The following CHRM2 variants were observed in gnomAD, a reference collection of about 807,000 sequenced individuals.
The protein encoded by CHRM2 is cholinergic receptor muscarinic 2, also known as muscarinic acetylcholine receptor M2.
A neutral mutation model predicts 25.0 loss-of-function variants in CHRM2; 8 were observed. The observed-to-expected ratio is 0.32, with a 90% CI of 0.19 to 0.58. CHRM2 has a LOEUF of 0.58. CHRM2 is among the 20% of genes least tolerant of loss of function. The pLI, the probability that CHRM2 is intolerant of heterozygous loss-of-function variation, is 0.88. For synonymous variants in CHRM2, 202 were observed against 205.7 expected, an observed-to-expected ratio of 0.98 and a Z score of 0.15; for missense variants, 440 against 567.1, an observed-to-expected ratio of 0.78 and a Z score of 2.28.
chr7:136,918,486 A>G (rs1377156946), intron 2 of CHRM2, among the ~76,000 whole-genome samples: 1 of 152,162 alleles, frequency 6.6e-6, no homozygotes, highest in Non-Finnish European at 1.5e-5. Context: ...GTGTTCACCC[A>G]TCTCACTGTT....
At chr7:136,897,324 C>G (rs1203701007) in intron 2 of CHRM2, among the ~76,000 whole-genome samples, 2 of 151,990 alleles carry the variant, frequency 1.3e-5, no homozygotes, top group Non-Finnish European at 2.9e-5. Flanking sequence ...TTAGAGAGAT[C>G]TGCACTAAAA....
chr7:136,907,758 T>C (rs1278875033), intron 2 of CHRM2: 1 of 151,964 alleles, frequency 6.6e-6, no homozygotes, highest in Non-Finnish European at 1.5e-5. Context: ...TCTCAAGTTT[T>C]GCAAAACTTT....
intron 2 of CHRM2, among the ~76,000 whole-genome samples, chr7:136,881,438 C>A (rs1796262666): frequency 6.6e-6 from 1 of 151,702 alleles, no homozygotes; most frequent in Non-Finnish European, 1.5e-5. Context: ...TAAATTTTAG[C>A]CAGGCATTAG....
intron 2 of CHRM2, among the ~76,000 whole-genome samples, chr7:136,946,661 G>A (rs538838007): frequency 1.7e-4 from 26 of 152,108 alleles, no homozygotes; most frequent in South Asian, 6.2e-4. Flanking sequence ...TATTTTCTGC[G>A]CTTCTTTCTA....
At chr7:137,001,702 G>C (rs1291726277) in intron 3 of CHRM2, among the ~76,000 whole-genome samples, 4 of 152,118 alleles carry the variant, frequency 2.6e-5, no homozygotes, top group Non-Finnish European at 5.9e-5. Context: ...AATACAATAG[G>C]TCTGTATCCC....
intron 2 of CHRM2, among the ~76,000 whole-genome samples, chr7:136,920,346 C>T (rs1202018619): frequency 1.3e-5 from 2 of 152,030 alleles, no homozygotes; most frequent in Non-Finnish European, 2.9e-5. Context: ...AGTAGTTGAC[C>T]ACCCATGTTT....
chr7:136,980,105 T>A (rs531290477), intron 2 of CHRM2, among the ~76,000 whole-genome samples: 2,548 of 152,306 alleles, frequency 0.017, 39 homozygotes, highest in Middle Eastern at 0.065. Flanking sequence ...TTTGTTTGTG[T>A]CCTCTCTTAC....
chr7:136,886,909 C>G (rs1277339303), intron 2 of CHRM2, among the ~76,000 whole-genome samples: 1 of 152,098 alleles, frequency 6.6e-6, no homozygotes, highest in Non-Finnish European at 1.5e-5. Context: ...TATAGCCCAT[C>G]ATGCCTCAAA....
chr7:136,907,158 T>C (rs373742119), intron 2 of CHRM2, among the ~76,000 whole-genome samples: 11 of 152,048 alleles, frequency 7.2e-5, no homozygotes, highest in African/African-American at 9.6e-5. Flanking sequence ...TAAATACAGA[T>C]GAAGCTTCGC....
intron 2 of CHRM2, among the ~76,000 whole-genome samples, chr7:136,905,470 A>G (rs1029194759): frequency 1.3e-5 from 2 of 151,724 alleles, no homozygotes; most frequent in African/African-American, 4.8e-5. Flanking sequence ...TTTTAAACAT[A>G]TTTTGAATTT....
intron 2 of CHRM2, among the ~76,000 whole-genome samples, chr7:136,875,583 T>C (rs1312679151): frequency 6.6e-6 from 1 of 152,142 alleles, no homozygotes; most frequent in Non-Finnish European, 1.5e-5. Flanking sequence ...CACTCTCCAG[T>C]CTTTCTCTAG....
chr7:136,878,257 G>C (rs578114093), intron 2 of CHRM2, among the ~76,000 whole-genome samples: 1 of 152,058 alleles, frequency 6.6e-6, no homozygotes, highest in South Asian at 2.1e-4. Flanking sequence ...TATGCCCACT[G>C]TTTTCTTGCT....
At chr7:136,968,037 AAC>A (rs1801523092) in intron 2 of CHRM2, among the ~76,000 whole-genome samples, 2 of 152,180 alleles carry the variant, frequency 1.3e-5, no homozygotes, top group South Asian at 4.1e-4. Flanking sequence ...TTTATCTTTT[AAC>A]ACTTAAATTT....
chr7:136,920,702 C>T (rs891998515), intron 2 of CHRM2, among the ~76,000 whole-genome samples: 1 of 152,140 alleles, frequency 6.6e-6, no homozygotes, highest in African/African-American at 2.4e-5. Context: ...GCTCATCACA[C>T]CTTAGATTCC....
intron 2 of CHRM2, among the ~76,000 whole-genome samples, chr7:136,925,088 G>A (rs951511599): frequency 6.6e-6 from 1 of 152,148 alleles, no homozygotes; most frequent in Non-Finnish European, 1.5e-5. Flanking sequence ...CTAATATGCA[G>A]TAGTCTGTTA....
At position 137,016,054 on chromosome 7, in the gene CHRM2, A is replaced by G. The variant is rs745902607; in HGVS notation, c.1189A>G (p.Ile397Val). The change falls in exon 4 of 4, where the codon ATC (isoleucine) becomes GTC (valine). Residue 397 changes from isoleucine (I) to valine (V), a missense_variant. By Grantham distance (29) the Ile-to-Val change is conservative. Coordinates refer to ENST00000680005, the MANE Select transcript of CHRM2 (RefSeq NM_001006630.2). Reference protein sequence around the residue: ...RTILAILLAFIITWAPYNVMV... With the variant: ...RTILAILLAFVITWAPYNVMV... ...AATCTTGGCTATTCTGTTGGCTTTC[A>G]TCATCACTTGGGCCCCATACAATGT... The G allele has an allele frequency of 3.8e-5, 62 of 1,612,786 alleles. No homozygotes were observed. In the East Asian group the frequency reaches 8.7e-4, roughly 23 times the overall value.
chr7:136,883,909 G>A (rs772366534), intron 2 of CHRM2, among the ~76,000 whole-genome samples: 2 of 152,104 alleles, frequency 1.3e-5, no homozygotes, highest in Non-Finnish European at 2.9e-5. Context: ...CTGGTTCAAT[G>A]AGTTACTCTA....
intron 3 of CHRM2, among the ~76,000 whole-genome samples, chr7:137,000,626 G>A (rs1230381038): frequency 7.7e-6 from 1 of 129,952 alleles, no homozygotes; most frequent in Non-Finnish European, 1.8e-5. Context: ...ATTTTTAAAG[G>A]CTTTCCTTAA....
intron 3 of CHRM2, among the ~76,000 whole-genome samples, chr7:137,000,344 G>T (rs1209335780): frequency 1.5e-4 from 23 of 150,332 alleles, no homozygotes; most frequent in African/African-American, 5.6e-4. Flanking sequence ...GATTATAAAT[G>T]CCCGCCACTA....
Sources: allele counts gnomAD v4.1 joint callset (sites outside exome capture counted in the v4.1 genomes callset), GRCh38; gene constraint gnomAD v4.1.1; transcripts MANE v1.5; gene names NCBI Gene and HGNC (gene_info 2026-07-23, HGNC 2026-07-21).